DPP6: variants seen among roughly 807,000 people sequenced by gnomAD.
DPP6 encodes A-type potassium channel modulatory protein DPP6.
In DPP6, 69 loss-of-function variants were observed where a neutral mutation model predicts 122.6. The ratio of observed to expected loss-of-function variants is 0.56; its 90% confidence interval spans 0.46 to 0.69. The LOEUF is 0.69. Ranked by LOEUF, DPP6 falls within the 30% of genes least tolerant of loss-of-function variation. DPP6 has a pLI of 0.00. For missense variants in DPP6, 928 were observed against 1,116.9 expected, an observed-to-expected ratio of 0.83 and a Z score of 2.41; for synonymous variants, 418 against 433.1, an observed-to-expected ratio of 0.97 and a Z score of 0.43.
chr7:154,548,524 T>TC (rs1380232255), intron 4 of DPP6, among the ~76,000 whole-genome samples: 15 of 127,286 alleles, frequency 1.2e-4, no homozygotes, highest in African/African-American at 4.6e-4. Context: ...AGACTCCATC[T>TC]CAAAAAAAAA....
At chr7:154,085,029 C>A (rs1327365396) in intron 1 of DPP6, among the ~76,000 whole-genome samples, 1 of 143,596 alleles carries the variant, frequency 7.0e-6, no homozygotes, top group Non-Finnish European at 1.5e-5. Context: ...CTTTATAAAA[C>A]CTTGTTGTAT....
intron 1 of DPP6, among the ~76,000 whole-genome samples, chr7:154,228,234 C>A (rs1308618768): frequency 4.6e-5 from 7 of 152,108 alleles, no homozygotes. Context: ...ATGAATGATG[C>A]CAAATTGATA....
intron 20 of DPP6, among the ~76,000 whole-genome samples, chr7:154,880,140 A>T (rs568067987): frequency 6.6e-5 from 10 of 152,350 alleles, no homozygotes; most frequent in African/African-American, 2.4e-4. Flanking sequence ...AACAAGCAAC[A>T]AGCCCACAGC....
At position 154,157,126 on chromosome 7, in the gene DPP6, T is replaced by G. The variant is rs149540297; in HGVS notation, c.243+104063T>G. On this transcript the variant is annotated intron_variant, in intron 1 of 25. Coordinates refer to ENST00000377770, the MANE Select transcript of DPP6 (RefSeq NM_130797.4). ...TTCACATTTTGGTTATTCTGAACAT[T>G]TCTACTTGCTGTGTTGCGGAGTCAC... is the stretch of plus-strand genomic sequence containing the variant. Among the ~76,000 whole-genome samples the G allele has an allele frequency of 6.5e-3, 991 of 152,398 alleles. 8 individuals are homozygous for G. Among genetic ancestry groups the G allele is most frequent in the African/African-American group, 0.021 (876 of 41,590 alleles).
chr7:154,804,028 C>G lies in DPP6; in HGVS notation c.1499+73C>G, dbSNP rs1421068401. 3 of 1,552,234 alleles carry G rather than the reference C, an allele frequency of 1.9e-6. No homozygotes were observed. The East Asian group carries it at 7.2e-5, about 37-fold the overall frequency. On this transcript the variant is annotated intron_variant, in intron 14 of 25. Transcript: ENST00000377770. ...CATTTGTTATTTTTTGTCAATTACACTTATGGAGTACAGGAGCACAGGAGG... is the reference window on the plus strand; with the variant it reads ...CATTTGTTATTTTTTGTCAATTACAGTTATGGAGTACAGGAGCACAGGAGG...
chr7:153,805,877 A>G, the DPP6 span, among the ~76,000 whole-genome samples: 2 of 151,974 alleles, frequency 1.3e-5, no homozygotes, highest in Non-Finnish European at 2.9e-5. Flanking sequence ...GCGGAGGGAT[A>G]GCATTAGGAG....
Position 154,892,433 on chromosome 7 carries a change from G to A in DPP6, c.2551G>A (p.Asp851Asn). 6.2e-7 allele frequency: 1 copy of A among 1,614,022 alleles called. No homozygotes were observed. The highest frequency in any genetic ancestry group is 8.5e-7 in the Non-Finnish European group (1 of 1,179,894). The change falls in exon 26 of 26, where the codon GAC (aspartate) becomes AAC (asparagine). Residue 851 changes from aspartate to asparagine, a missense_variant. Coordinates refer to ENST00000377770, the MANE Select transcript of DPP6 (RefSeq NM_130797.4). The stretch of plus-strand genomic sequence containing the variant: ...CTTCGTGGAATGCTTCAGGATCCAG[G>A]ACAAACTGCTGACAGTCACAGCGAA... The part of the protein sequence containing the change: ...NFFVECFRIQ[D>N]KLLTVTAKED...
chr7:154,237,095 GGAAGGC>G (rs1291725894), intron 1 of DPP6, among the ~76,000 whole-genome samples: 1 of 152,160 alleles, frequency 6.6e-6, no homozygotes, highest in African/African-American at 2.4e-5. Flanking sequence ...TGGGCGTGAG[GGAAGGC>G]CCATACCTTG....
rs574164730 is a variant in DPP6 at position 154,288,815 on chromosome 7, G to A, written c.244-157399G>A. Among the ~76,000 whole-genome samples, 4 of 152,288 alleles carry A rather than the reference G, an allele frequency of 2.6e-5. 1 individual carries two copies. Among genetic ancestry groups the A allele is most frequent in the African/African-American group, 9.6e-5 (4 of 41,546 alleles). On this transcript the variant is annotated intron_variant, in intron 1 of 25. Coordinates refer to ENST00000377770, the MANE Select transcript of DPP6 (RefSeq NM_130797.4). ...AGATGCAAATACCTGCCTTTGTTAC[G>A]CTGACATTCTAGAGGACATTTAAAG... is the stretch of plus-strand genomic sequence containing the variant.
At chr7:154,283,305 T>C (rs938359982) in intron 1 of DPP6, among the ~76,000 whole-genome samples, 2 of 152,286 alleles carry the variant, frequency 1.3e-5, no homozygotes, top group South Asian at 2.1e-4. Context: ...AGCAAGTTAT[T>C]GCAACTCTGT....
rs564317834 is a variant in DPP6, at chr7:154,835,508, A to G, written c.1667-18272A>G. 4.6e-5 allele frequency among the ~76,000 whole-genome samples: 7 copies of G among 152,146 alleles called. No homozygotes were observed. In the East Asian group the frequency reaches 1.4e-3, roughly 29 times the overall value. On this transcript the variant is annotated intron_variant, in intron 16 of 25. Coordinates refer to ENST00000377770, the MANE Select transcript of DPP6 (RefSeq NM_130797.4). ...CCAAATCCTTCTTCAACCACCTACAATCCTCTCTGACTTAAGGCCAGCTGA... is the reference window on the plus strand; with the variant it reads ...CCAAATCCTTCTTCAACCACCTACAGTCCTCTCTGACTTAAGGCCAGCTGA...
chr7:154,764,489 C>T (rs1175207852), intron 8 of DPP6, among the ~76,000 whole-genome samples: 1 of 152,170 alleles, frequency 6.6e-6, no homozygotes, highest in Admixed American at 6.5e-5. Context: ...CCCAACCTCA[C>T]ATCTGGGGAG....
chr7:154,865,136 C>A (rs1037781644), intron 17 of DPP6, among the ~76,000 whole-genome samples: 1 of 152,160 alleles, frequency 6.6e-6, no homozygotes, highest in African/African-American at 2.4e-5. Flanking sequence ...CTAGCAGACC[C>A]CCCCAGCTGA....
At chr7:154,187,660 A>G (rs1227869711) in intron 1 of DPP6, among the ~76,000 whole-genome samples, 2 of 152,206 alleles carry the variant, frequency 1.3e-5, no homozygotes, top group East Asian at 3.8e-4. Context: ...GAACCGAGCA[A>G]TGAACAGGAT....
At chr7:154,125,086 C>T (rs550229717) in intron 1 of DPP6, among the ~76,000 whole-genome samples, 7 of 152,288 alleles carry the variant, frequency 4.6e-5, no homozygotes, top group African/African-American at 9.6e-5. Flanking sequence ...TGGTATGCAG[C>T]GTGGAGGTCT....
At chr7:154,246,150 G>A (rs185116385) in intron 1 of DPP6, among the ~76,000 whole-genome samples, 1 of 152,210 alleles carries the variant, frequency 6.6e-6, no homozygotes, top group East Asian at 1.9e-4. Context: ...CCTAACTCAT[G>A]GGTCAAAGAA....
At chr7:154,832,355 C>T (rs1024235364) in intron 16 of DPP6, among the ~76,000 whole-genome samples, 8 of 152,076 alleles carry the variant, frequency 5.3e-5, no homozygotes, top group African/African-American at 1.9e-4. Context: ...TTGGAACCAA[C>T]GATAAGTATG....
chr7:154,758,143 A>G (rs2131498587), intron 8 of DPP6, among the ~76,000 whole-genome samples: 1 of 152,314 alleles, frequency 6.6e-6, no homozygotes, highest in South Asian at 2.1e-4. Flanking sequence ...TGTAGTTGGC[A>G]GTTACTTTGA....
chr7:154,351,214 T>A (rs1439726207), intron 1 of DPP6, among the ~76,000 whole-genome samples: 6 of 152,160 alleles, frequency 3.9e-5, no homozygotes, highest in African/African-American at 1.4e-4. Flanking sequence ...TTTGGTTTTA[T>A]TAATTTTATG....
Sources: allele counts gnomAD v4.1 joint callset (sites outside exome capture counted in the v4.1 genomes callset), GRCh38; gene constraint gnomAD v4.1.1; transcripts MANE v1.5; gene names NCBI Gene and HGNC (gene_info 2026-07-23, HGNC 2026-07-21).